Variants in FAM227B observed in about 807,000 individuals in gnomAD.
The protein encoded by FAM227B is protein FAM227B.
Under a neutral mutation model 73.8 loss-of-function variants are expected in FAM227B, and 88 were observed. The ratio of observed to expected loss-of-function variants is 1.19; its 90% confidence interval spans 1.00 to 1.42. The LOEUF (loss-of-function observed/expected upper bound fraction) is 1.42. Ranked by LOEUF, FAM227B falls within the 40% of genes most tolerant of loss-of-function variation. The pLI, the probability that FAM227B is intolerant of heterozygous loss-of-function variation, is 0.00. For missense variants in FAM227B, 632 were observed against 590.9 expected (o/e 1.07, Z -0.72); for synonymous variants, 210 against 190.5 (o/e 1.10, Z -0.84).
chr15:49,610,743 C>T (rs1815891242), intron 3 of FAM227B, among the ~76,000 whole-genome samples: 1 of 152,030 alleles, frequency 6.6e-6, no homozygotes, highest in African/African-American at 2.4e-5. Context: ...AGTCCAATAA[C>T]CCCAGGCGAA....
In FAM227B at chr15:49,469,306, C is replaced by G. The variant is rs564526447; in HGVS notation, c.1012+38905G>C. On this transcript the variant is annotated intron_variant, in intron 11 of 15. Coordinates refer to ENST00000299338, the MANE Select transcript of FAM227B (RefSeq NM_152647.3). Reference sequence around the variant, plus strand: ...TACCACTTATCGAATACTGTCTATACAGAAAACTGCTGTTTATTCCAGGGA... The same window carrying G: ...TACCACTTATCGAATACTGTCTATAGAGAAAACTGCTGTTTATTCCAGGGA... Among the ~76,000 whole-genome samples, 14 of 152,184 alleles carry G rather than the reference C, an allele frequency of 9.2e-5. 1 individual carries two copies. In the South Asian group the frequency reaches 2.3e-3, roughly 25 times the overall value.
intron 11 of FAM227B, among the ~76,000 whole-genome samples, chr15:49,439,031 G>T (rs1245995415): frequency 6.6e-6 from 1 of 151,746 alleles, no homozygotes; most frequent in African/African-American, 2.4e-5. Flanking sequence ...TAGCTGAGTG[G>T]GTTGGTCTTA....
chr15:49,560,590 G>A (rs1277608220), intron 9 of FAM227B, among the ~76,000 whole-genome samples: 1 of 152,086 alleles, frequency 6.6e-6, no homozygotes, highest in Non-Finnish European at 1.5e-5. Flanking sequence ...AGTGTCTAAG[G>A]TCAATGCTAA....
At chr15:49,355,415 A>G (rs2042978102) in intron 13 of FAM227B, among the ~76,000 whole-genome samples, 2 of 152,234 alleles carry the variant, frequency 1.3e-5, no homozygotes, top group East Asian at 1.9e-4. Flanking sequence ...GGAGCTGAAA[A>G]CCAAGGCTCG....
chr15:49,590,150 C>A, intron 3 of FAM227B, 143 bp from the exon 4 acceptor site: 1 of 583,220 alleles, frequency 1.7e-6, no homozygotes, highest in Non-Finnish European at 3.0e-6. Context: ...GAAACAATCA[C>A]AAACGTCAGA....
chr15:49,529,615 A>G (rs950771829), intron 10 of FAM227B, among the ~76,000 whole-genome samples: 1 of 151,728 alleles, frequency 6.6e-6, no homozygotes, highest in Non-Finnish European at 1.5e-5. Flanking sequence ...CTTTTCACCC[A>G]GTTTCCCACA....
chr15:49,570,273 T>C (rs377577466), intron 8 of FAM227B, among the ~76,000 whole-genome samples: 72 of 152,046 alleles, frequency 4.7e-4, no homozygotes, highest in African/African-American at 1.6e-3. Flanking sequence ...CTTTTCTCCA[T>C]AACCTCACCA....
At position 49,574,946 on chromosome 15, in the gene FAM227B, C is replaced by G. The variant is rs144673089; in HGVS notation, c.645+65G>C. Reference sequence around the variant, plus strand: ...AAAAACATTTTTGTACTAGACTTATCTCTATTGAAAAATTAATTATGCCAA... The same window carrying G: ...AAAAACATTTTTGTACTAGACTTATGTCTATTGAAAAATTAATTATGCCAA... On this transcript the variant is annotated intron_variant, in intron 8 of 15. Transcript: ENST00000299338. 4.5e-4 allele frequency: 436 copies of G among 973,640 alleles called. 5 individuals carry two copies. The African/African-American group carries it at 6.9e-3, about 16-fold the overall frequency. 60.3% of individuals were successfully genotyped at this position (973,640 alleles called of 1,614,324 possible).
intron 3 of FAM227B, among the ~76,000 whole-genome samples, chr15:49,609,461 A>G (rs2077744332): frequency 6.6e-6 from 1 of 151,992 alleles, no homozygotes; most frequent in African/African-American, 2.4e-5. Flanking sequence ...AGTAGCTAAC[A>G]TGTAGGTTGC....
At chr15:49,611,495 T>C (rs2077914629) in intron 2 of FAM227B, among the ~76,000 whole-genome samples, 1 of 152,180 alleles carries the variant, frequency 6.6e-6, no homozygotes, top group Non-Finnish European at 1.5e-5. Context: ...TTCCCTCTTA[T>C]ACACTAGCCC....
At chr15:49,332,020 A>G in intron 14 of FAM227B, 171 bp from the exon 15 acceptor site, 1 of 581,100 alleles carries the variant, frequency 1.7e-6, no homozygotes, top group South Asian at 2.1e-5. Context: ...CTATTATCCT[A>G]TTTTATAAAT....
At chr15:49,607,669 T>C (rs1240784280) in intron 3 of FAM227B, among the ~76,000 whole-genome samples, 2 of 152,176 alleles carry the variant, frequency 1.3e-5, no homozygotes, top group East Asian at 3.8e-4. Context: ...CTGAATAAAG[T>C]TTCCAAAAAT....
intron 11 of FAM227B, among the ~76,000 whole-genome samples, chr15:49,405,368 C>G (rs2048444508): frequency 6.6e-6 from 1 of 152,098 alleles, no homozygotes; most frequent in African/African-American, 2.4e-5. Context: ...TTGTACTCAC[C>G]CCATCTCTTT....
intron 11 of FAM227B, among the ~76,000 whole-genome samples, chr15:49,427,478 A>T (rs1348660275): frequency 6.6e-6 from 1 of 152,026 alleles, no homozygotes; most frequent in South Asian, 2.1e-4. Context: ...TTTTTTCAAC[A>T]GGTTGTCATG....
intron 5 of FAM227B, among the ~76,000 whole-genome samples, chr15:49,579,905 C>A (rs192396481): frequency 1.3e-4 from 20 of 152,090 alleles, no homozygotes; most frequent in Non-Finnish European, 2.5e-4. Flanking sequence ...TAAATAGGTA[C>A]AATGATTATG....
At chr15:49,586,154 G>A (rs946223445) in intron 5 of FAM227B, among the ~76,000 whole-genome samples, 5 of 152,070 alleles carry the variant, frequency 3.3e-5, no homozygotes, top group Non-Finnish European at 5.9e-5. Flanking sequence ...CAGGGCTACA[G>A]CCACCCAAAC....
chr15:49,413,412 G>C (rs1236825732), intron 11 of FAM227B, among the ~76,000 whole-genome samples: 11 of 151,980 alleles, frequency 7.2e-5, no homozygotes, highest in Admixed American at 6.6e-5. Context: ...TGGAACTGTG[G>C]GTCGATTAAA....
chr15:49,599,556 G>A (rs974800007), intron 3 of FAM227B, among the ~76,000 whole-genome samples: 3 of 151,958 alleles, frequency 2.0e-5, no homozygotes, highest in Non-Finnish European at 4.4e-5. Context: ...TTTTCTTAAT[G>A]TAGGCATTTA....
chr15:49,436,488 G>T (rs1317847862), intron 11 of FAM227B, among the ~76,000 whole-genome samples: 2 of 151,514 alleles, frequency 1.3e-5, no homozygotes, highest in Non-Finnish European at 3.0e-5. Context: ...TTCCCTCAAT[G>T]AAAACATGGG....
Sources: gnomAD v4.1 joint callset for allele counts (sites outside exome capture counted in the v4.1 genomes callset) on GRCh38, gnomAD v4.1.1 for gene constraint, MANE v1.5 for transcripts, NCBI Gene and HGNC (gene_info 2026-07-23, HGNC 2026-07-21) for gene names.